NIM1K: variants seen among roughly 807,000 people sequenced by gnomAD.
NIM1K encodes the protein serine/threonine-protein kinase NIM1.
In NIM1K, 35 loss-of-function variants were observed where a neutral mutation model predicts 37.1. The observed-to-expected ratio is 0.94, with a 90% CI of 0.72 to 1.25. The LOEUF is 1.25. NIM1K is among the 50% of genes most tolerant of loss of function. The pLI is 0.00. For missense variants in NIM1K, 564 were observed against 548.0 expected (o/e 1.03, Z -0.29); for synonymous variants, 234 against 206.6 (o/e 1.13, Z -1.14).
chr5:43,215,064 T>TA (rs1752280753), intron 1 of NIM1K, among the ~76,000 whole-genome samples: 1 of 152,232 alleles, frequency 6.6e-6, no homozygotes, highest in Non-Finnish European at 1.5e-5. Context: ...GTCCAGTCTC[T>TA]AGAGCTCAAG....
intron 1 of NIM1K, among the ~76,000 whole-genome samples, chr5:43,227,647 T>C (rs1752479139): frequency 6.6e-6 from 1 of 152,228 alleles, no homozygotes; most frequent in Admixed American, 6.5e-5. Context: ...AGAAAGGGAA[T>C]TGGGCTATGC....
chr5:43,235,474 G>C (rs1405197702), intron 1 of NIM1K, among the ~76,000 whole-genome samples: 1 of 152,208 alleles, frequency 6.6e-6, no homozygotes, highest in Non-Finnish European at 1.5e-5. Flanking sequence ...AGACCCCACA[G>C]ATGGGTAGCT....
At chr5:43,207,652 G>A (rs1455862997) in intron 1 of NIM1K, 62 of 593,234 alleles carry the variant, frequency 1.0e-4, no homozygotes, top group Admixed American at 2.0e-4. Context: ...TCAATCTGAC[G>A]GAAGCGCTGT....
chr5:43,271,924 T>A (rs901069400), intron 2 of NIM1K, among the ~76,000 whole-genome samples: 1 of 152,174 alleles, frequency 6.6e-6, no homozygotes, highest in Admixed American at 6.5e-5. Context: ...AATCATACAG[T>A]AGTAACCTTT....
chr5:43,231,406 G>T (rs1410212703), intron 1 of NIM1K, among the ~76,000 whole-genome samples: 1 of 152,120 alleles, frequency 6.6e-6, no homozygotes, highest in African/African-American at 2.4e-5. Context: ...TGAAGAATTT[G>T]TGGTGGTGTG....
intron 2 of NIM1K, among the ~76,000 whole-genome samples, chr5:43,270,753 T>C (rs913010967): frequency 3.9e-5 from 6 of 152,144 alleles, no homozygotes; most frequent in African/African-American, 1.4e-4. Context: ...ACCAGAGTCA[T>C]GGTTTAGCAA....
Position 43,245,906 on chromosome 5 carries a change from A to G in NIM1K, c.131A>G (p.Gln44Arg). 1 of 1,614,182 alleles carries G rather than the reference A, an allele frequency of 6.2e-7. No homozygotes were observed. Among genetic ancestry groups the G allele is most frequent in the Non-Finnish European group, 8.5e-7 (1 of 1,180,028 alleles). Residue 44 changes from glutamine to arginine, a missense_variant, in exon 2 of 4, where the codon CAG becomes CGG. Coordinates refer to ENST00000326035, the MANE Select transcript of NIM1K (RefSeq NM_153361.4). ...GAGGGTGAGGAGGGACAGCCCCGCC[A>G]GCTGACGCCCTTCGAGAAACTGACA... ...SKEGEEGQPR[Q>R]LTPFEKLTQD...
intron 1 of NIM1K, among the ~76,000 whole-genome samples, chr5:43,237,577 T>C (rs772957738): frequency 1.3e-5 from 2 of 152,220 alleles, no homozygotes; most frequent in Non-Finnish European, 1.5e-5. Flanking sequence ...GCTTTCAACA[T>C]TATGAAGCTT....
At chr5:43,235,109 A>G (rs879782978) in intron 1 of NIM1K, among the ~76,000 whole-genome samples, 3 of 152,256 alleles carry the variant, frequency 2.0e-5, no homozygotes, top group Non-Finnish European at 2.9e-5. Flanking sequence ...CCAGAATACT[A>G]GTAATTCTTA....
At chr5:43,213,348 G>A (rs1456699792) in intron 1 of NIM1K, among the ~76,000 whole-genome samples, 1 of 108,262 alleles carries the variant, frequency 9.2e-6, no homozygotes, top group East Asian at 2.2e-4. Context: ...TTCTTTTCTA[G>A]TTGGAGTCTC....
intron 1 of NIM1K, among the ~76,000 whole-genome samples, chr5:43,204,940 G>A (rs1311963104): frequency 6.6e-6 from 1 of 152,176 alleles, no homozygotes; most frequent in African/African-American, 2.4e-5. Flanking sequence ...AGGCTGCAGT[G>A]AGCTGTGATT....
chr5:43,274,382 G>A (rs1056290858), intron 2 of NIM1K, among the ~76,000 whole-genome samples: 1 of 139,016 alleles, frequency 7.2e-6, no homozygotes, highest in Non-Finnish European at 1.6e-5. Context: ...TACCTTAACT[G>A]ACACCTGAGT....
chr5:43,256,104 C>G (rs2112276655), intron 2 of NIM1K, among the ~76,000 whole-genome samples: 1 of 152,034 alleles, frequency 6.6e-6, no homozygotes, highest in South Asian at 2.1e-4. Context: ...CAAAGGGAAC[C>G]AGGGATTTCC....
At chr5:43,198,761 G>C (rs1751973957) in intron 1 of NIM1K, among the ~76,000 whole-genome samples, 1 of 152,194 alleles carries the variant, frequency 6.6e-6, no homozygotes, top group Admixed American at 6.5e-5. Flanking sequence ...TCTTGGGCTT[G>C]AAATTAAACT....
At chr5:43,206,680 C>A (rs570341918) in intron 1 of NIM1K, 37 of 691,776 alleles carry the variant, frequency 5.3e-5, no homozygotes, top group Admixed American at 1.2e-4. Context: ...AAGGCCACTC[C>A]CCCAGGTATG....
At chr5:43,234,281 G>A (rs1461189960) in intron 1 of NIM1K, among the ~76,000 whole-genome samples, 3 of 150,748 alleles carry the variant, frequency 2.0e-5, no homozygotes, top group Admixed American at 6.6e-5. Context: ...TTCAATGCAT[G>A]CATTTAATGA....
chr5:43,249,272 T>G (rs1752833298), intron 2 of NIM1K, among the ~76,000 whole-genome samples: 1 of 151,954 alleles, frequency 6.6e-6, no homozygotes, highest in Non-Finnish European at 1.5e-5. Context: ...GGTTTCACCA[T>G]GTTAGCTGGG....
chr5:43,195,228 T>C (rs1026161997), intron 1 of NIM1K, among the ~76,000 whole-genome samples: 2 of 152,254 alleles, frequency 1.3e-5, no homozygotes, highest in Non-Finnish European at 2.9e-5. Context: ...ATGAAGATAA[T>C]AGTCTACAAC....
intron 2 of NIM1K, among the ~76,000 whole-genome samples, chr5:43,257,034 A>T (rs1752956687): frequency 6.6e-6 from 1 of 152,100 alleles, no homozygotes; most frequent in South Asian, 2.1e-4. Context: ...CAAGGAGGTG[A>T]TTGTAGAGAA....
Sources: gnomAD v4.1 joint callset for allele counts (sites outside exome capture counted in the v4.1 genomes callset) on GRCh38, gnomAD v4.1.1 for gene constraint, MANE v1.5 for transcripts, NCBI Gene and HGNC (gene_info 2026-07-23, HGNC 2026-07-21) for gene names.